Variants in RPTOR observed in about 807,000 individuals in gnomAD.
The protein encoded by RPTOR is regulatory associated protein of MTOR complex 1.
Under a neutral mutation model 169.9 loss-of-function variants are expected in RPTOR, and 21 were observed. That is an observed-to-expected ratio of 0.12 (90% CI 0.09 to 0.18). The LOEUF is 0.18. Among genes scored for constraint, RPTOR ranks in the 10% least tolerant of loss-of-function variants. RPTOR has a pLI of 1.00. For missense variants in RPTOR, 1,133 were observed against 1,855.9 expected, an observed-to-expected ratio of 0.61 and a Z score of 7.16; for synonymous variants, 732 against 753.2, an observed-to-expected ratio of 0.97 and a Z score of 0.46.
intron 3 of RPTOR, among the ~76,000 whole-genome samples, chr17:80,705,647 C>CA (rs2066136934): frequency 6.6e-6 from 1 of 152,184 alleles, no homozygotes. Flanking sequence ...TTGTTTTCCT[C>CA]ACATCTAATT....
At chr17:80,859,269 C>T (rs934779067) in intron 13 of RPTOR, among the ~76,000 whole-genome samples, 2 of 152,240 alleles carry the variant, frequency 1.3e-5, no homozygotes, top group African/African-American at 4.8e-5. Flanking sequence ...CTCTCGAAAG[C>T]TCCTCGTGTG....
chr17:80,720,559 G>A (rs1362050532), intron 4 of RPTOR, among the ~76,000 whole-genome samples: 2 of 152,218 alleles, frequency 1.3e-5, no homozygotes, highest in Non-Finnish European at 2.9e-5. Context: ...GAGAAGTGCT[G>A]GAAATGTTTG....
intron 1 of RPTOR, among the ~76,000 whole-genome samples, chr17:80,618,952 T>A (rs2065334303): frequency 6.6e-6 from 1 of 152,158 alleles, no homozygotes; most frequent in Non-Finnish European, 1.5e-5. Context: ...GGCTTTTCCT[T>A]CTCTTGGACA....
chr17:80,856,507 C>T (rs554722421), intron 12 of RPTOR, among the ~76,000 whole-genome samples: 1 of 152,244 alleles, frequency 6.6e-6, no homozygotes, highest in South Asian at 2.1e-4. Flanking sequence ...ATTGATAGTC[C>T]AGCACTGAAG....
chr17:80,946,925 C>T (rs2069110908), intron 26 of RPTOR, among the ~76,000 whole-genome samples: 1 of 152,258 alleles, frequency 6.6e-6, no homozygotes, highest in Non-Finnish European at 1.5e-5. Context: ...CTCTTCCCTT[C>T]CCACCCGCAC....
Position 80,756,864 on chromosome 17 carries a change from T to C in RPTOR, c.830+2679T>C, listed in dbSNP as rs897321264. On this transcript the variant is annotated intron_variant, in intron 6 of 33. Coordinates refer to ENST00000306801, the MANE Select transcript of RPTOR (RefSeq NM_020761.3). ...TAAAGAATACAAAAAAAATTTGTTATAAATTACTCAGTCTGTCGTAGTCTA... is the reference window on the plus strand; with the variant it reads ...TAAAGAATACAAAAAAAATTTGTTACAAATTACTCAGTCTGTCGTAGTCTA... Among the ~76,000 whole-genome samples the C allele has an allele frequency of 2.0e-5, 3 of 152,318 alleles. No homozygotes were observed. The South Asian group carries it at 6.2e-4, about 32-fold the overall frequency.
At chr17:80,882,569 G>A (rs1240102667) in intron 14 of RPTOR, among the ~76,000 whole-genome samples, 2 of 152,168 alleles carry the variant, frequency 1.3e-5, no homozygotes, top group Non-Finnish European at 2.9e-5. Context: ...ACTCAGGAAT[G>A]GGGGTGTAGT....
intron 3 of RPTOR, among the ~76,000 whole-genome samples, chr17:80,671,638 A>G (rs2065822802): frequency 6.6e-6 from 1 of 152,202 alleles, no homozygotes; most frequent in Non-Finnish European, 1.5e-5. Context: ...TAAGAGAAGC[A>G]GCTTTGCATA....
At chr17:80,558,772 C>T (rs1220908978) in intron 1 of RPTOR, among the ~76,000 whole-genome samples, 1 of 152,120 alleles carries the variant, frequency 6.6e-6, no homozygotes, top group African/African-American at 2.4e-5. Context: ...CTCTGTAGTT[C>T]AGAAGGTCAG....
chr17:80,854,229 A>G (rs182535063), intron 11 of RPTOR, among the ~76,000 whole-genome samples: 5 of 152,368 alleles, frequency 3.3e-5, no homozygotes, highest in African/African-American at 4.8e-5. Context: ...CCTTTTGGCT[A>G]ATAATAGTGT....
intron 1 of RPTOR, among the ~76,000 whole-genome samples, chr17:80,559,177 G>A (rs1599547859): frequency 6.6e-6 from 1 of 152,180 alleles, no homozygotes; most frequent in Non-Finnish European, 1.5e-5. Flanking sequence ...AGAATGTCCT[G>A]AATTTGAGCT....
At chr17:80,666,723 C>G (rs189058417) in intron 3 of RPTOR, among the ~76,000 whole-genome samples, 1 of 152,282 alleles carries the variant, frequency 6.6e-6, no homozygotes, top group Admixed American at 6.5e-5. Flanking sequence ...CCAACATTGC[C>G]CCTGCTGTAG....
At chr17:80,886,236 C>T (rs191489628) in intron 17 of RPTOR, among the ~76,000 whole-genome samples, 84 of 152,368 alleles carry the variant, frequency 5.5e-4, no homozygotes, top group Non-Finnish European at 2.4e-4. Context: ...GGACGTGACC[C>T]GGACAGGTTT....
At chr17:80,657,160 C>A (rs536077676) in intron 3 of RPTOR, among the ~76,000 whole-genome samples, 1 of 152,244 alleles carries the variant, frequency 6.6e-6, no homozygotes, top group Admixed American at 6.5e-5. Flanking sequence ...GAAAAAAGAA[C>A]AGATTGACTA....
intron 5 of RPTOR, among the ~76,000 whole-genome samples, chr17:80,749,717 T>C (rs2066613164): frequency 6.6e-6 from 1 of 152,166 alleles, no homozygotes; most frequent in African/African-American, 2.4e-5. Flanking sequence ...TTGGGGGCTT[T>C]TTTTGTTTGT....
chr17:80,939,686 G>A lies in RPTOR; in HGVS notation c.2920-810G>A, dbSNP rs565611849. Among the ~76,000 whole-genome samples, 54 of 152,316 alleles carry A rather than the reference G, an allele frequency of 3.5e-4. 1 individual carries two copies. Among genetic ancestry groups the A allele is most frequent in the Admixed American group, 1.0e-3 (16 of 15,302 alleles). ...CCTCTCATGAGGCTGTCTTCCTTCTGTCTCGTAAGCTCCCTCATCTTCCAG... is the reference window on the plus strand; with the variant it reads ...CCTCTCATGAGGCTGTCTTCCTTCTATCTCGTAAGCTCCCTCATCTTCCAG... On this transcript the variant is annotated intron_variant, in intron 24 of 33. Coordinates refer to ENST00000306801, the MANE Select transcript of RPTOR (RefSeq NM_020761.3).
chr17:80,883,629 C>T (rs1598376558), intron 15 of RPTOR, 145 bp downstream of exon 15: 1 of 1,185,714 alleles, frequency 8.4e-7, no homozygotes, highest in East Asian at 2.4e-5. Context: ...CATTTGCAGG[C>T]TGAATATGAA....
chr17:80,851,117 C>T (rs1246663334), intron 11 of RPTOR, among the ~76,000 whole-genome samples: 1 of 152,104 alleles, frequency 6.6e-6, no homozygotes, highest in Non-Finnish European at 1.5e-5. Context: ...TTTGTAGAGA[C>T]GGGGTTTCAC....
At chr17:80,846,645 G>A (rs1264665360) in intron 11 of RPTOR, 71 bp downstream of exon 11, 10 of 1,296,086 alleles carry the variant, frequency 7.7e-6, no homozygotes, top group East Asian at 4.7e-5. Flanking sequence ...GTACAGCCCC[G>A]GGAGTGCCTT....
Sources: allele counts gnomAD v4.1 joint callset (sites outside exome capture counted in the v4.1 genomes callset), GRCh38; gene constraint gnomAD v4.1.1; transcripts MANE v1.5; gene names NCBI Gene and HGNC (gene_info 2026-07-23, HGNC 2026-07-21).